Variants in KCNMA1 observed in about 807,000 individuals in gnomAD.
KCNMA1 encodes potassium calcium-activated channel subfamily M alpha 1, also known as Calcium-activated potassium channel subunit alpha-1.
A neutral mutation model predicts 140.0 loss-of-function variants in KCNMA1; 29 were observed. The observed-to-expected ratio is 0.21, with a 90% CI of 0.15 to 0.28. The LOEUF (loss-of-function observed/expected upper bound fraction) is 0.28, where lower values mean the gene tolerates loss of function less well. KCNMA1 is among the 10% of genes least tolerant of loss of function. KCNMA1 has a pLI of 1.00. For synonymous variants in KCNMA1, 612 were observed against 611.9 expected (o/e 1.00, Z 0.00); for missense variants, 880 against 1,602.2 (o/e 0.55, Z 7.70).
At chr10:77,346,225 C>A (rs2092107278) in intron 2 of KCNMA1, among the ~76,000 whole-genome samples, 2 of 152,188 alleles carry the variant, frequency 1.3e-5, no homozygotes. Context: ...AAAACCCAGT[C>A]ATGCAAAGCC....
intron 1 of KCNMA1, among the ~76,000 whole-genome samples, chr10:77,519,959 T>G (rs1370721484): frequency 2.1e-5 from 3 of 145,358 alleles, no homozygotes; most frequent in East Asian, 2.0e-4. Flanking sequence ...CAGTGTGAGG[T>G]CTGGGGTATG....
At chr10:76,998,301 C>G (rs2085052280) in intron 19 of KCNMA1, among the ~76,000 whole-genome samples, 1 of 152,106 alleles carries the variant, frequency 6.6e-6, no homozygotes, top group Non-Finnish European at 1.5e-5. Context: ...TTCAATTTAA[C>G]ATCCCTTGAA....
At chr10:76,978,717 A>T (rs2078456750) in intron 19 of KCNMA1, 1 of 152,150 alleles carries the variant, frequency 6.6e-6, no homozygotes, top group Non-Finnish European at 1.5e-5. Flanking sequence ...AGGTCCCCCG[A>T]TGTGTATCAA....
intron 3 of KCNMA1, among the ~76,000 whole-genome samples, chr10:77,241,924 C>T (rs989361052): frequency 2.6e-5 from 4 of 152,128 alleles, no homozygotes; most frequent in African/African-American, 9.7e-5. Flanking sequence ...GAAGAATTGG[C>T]TCAACAAAGC....
chr10:76,892,113 G>T (rs1472445477), intron 25 of KCNMA1, among the ~76,000 whole-genome samples: 2 of 152,138 alleles, frequency 1.3e-5, no homozygotes, highest in African/African-American at 4.8e-5. Context: ...AACCCAAGCA[G>T]CATTGTCTCT....
chr10:77,611,596 C>G (rs924074391), intron 1 of KCNMA1, among the ~76,000 whole-genome samples: 1 of 152,232 alleles, frequency 6.6e-6, no homozygotes, highest in African/African-American at 2.4e-5. Context: ...ATACCCAGCC[C>G]GGCACATAGC....
intron 5 of KCNMA1, chr10:77,140,812 C>T (rs2098148931): frequency 6.6e-6 from 1 of 152,138 alleles, no homozygotes; most frequent in Non-Finnish European, 1.5e-5. Flanking sequence ...CGATGTCCTG[C>T]GAGCTGATCA....
chr10:77,290,043 C>T (rs12412773), intron 2 of KCNMA1, among the ~76,000 whole-genome samples: 3 of 152,080 alleles, frequency 2.0e-5, no homozygotes, highest in Non-Finnish European at 2.9e-5. Context: ...TGGAAGGAGG[C>T]GGTTCGATGC....
At chr10:77,481,784 A>C (rs1040173942) in intron 1 of KCNMA1, among the ~76,000 whole-genome samples, 1 of 151,744 alleles carries the variant, frequency 6.6e-6, no homozygotes, top group African/African-American at 2.4e-5. Context: ...CAAAAAAAAA[A>C]AAAAAAAGAA....
At position 77,585,384 on chromosome 10, in the gene KCNMA1, A is replaced by C. The variant is rs149144365; in HGVS notation, c.378+51881T>G. 5.4e-3 allele frequency among the ~76,000 whole-genome samples: 819 copies of C among 152,322 alleles called. 5 individuals are homozygous for C. Among genetic ancestry groups the C allele is most frequent in the African/African-American group, 0.019 (798 of 41,560 alleles). On this transcript the variant is annotated intron_variant, in intron 1 of 27. Coordinates refer to ENST00000286628, the MANE Select transcript of KCNMA1 (RefSeq NM_001161352.2). ...ACCAGGCCGTTGTCGCAGTTGTATG[A>C]ATTAATATAATTAAAGACAACATTT...
At chr10:77,049,316 T>C (rs2095264391) in intron 14 of KCNMA1, among the ~76,000 whole-genome samples, 1 of 152,216 alleles carries the variant, frequency 6.6e-6, no homozygotes, top group Non-Finnish European at 1.5e-5. Flanking sequence ...GTGCTGTCCC[T>C]GCCTTAATGG....
At chr10:77,487,345 C>T (rs1053007807) in intron 1 of KCNMA1, among the ~76,000 whole-genome samples, 5 of 152,110 alleles carry the variant, frequency 3.3e-5, no homozygotes, top group African/African-American at 7.2e-5. Flanking sequence ...TTAGAAATCT[C>T]GCAAGTCAAC....
chr10:77,213,220 T>C (rs1026196946), intron 3 of KCNMA1, among the ~76,000 whole-genome samples: 7 of 152,182 alleles, frequency 4.6e-5, no homozygotes, highest in African/African-American at 1.4e-4. Flanking sequence ...CAAAAACGGC[T>C]CTAACCCTGG....
chr10:77,362,827 G>A (rs181251523), intron 2 of KCNMA1, among the ~76,000 whole-genome samples: 1 of 152,314 alleles, frequency 6.6e-6, no homozygotes, highest in African/African-American at 2.4e-5. Flanking sequence ...ATATCAAGAG[G>A]CAGAACATTT....
Position 76,969,911 on chromosome 10 carries a change from A to G in KCNMA1, c.2360+63T>C, listed in dbSNP as rs2288837. 0.79 allele frequency: 1,026,654 copies of G among 1,306,424 alleles called. 405,785 individuals carry two copies. The highest frequency in any genetic ancestry group is 0.98 in the East Asian group (42,322 of 43,304). The allele number at this position is 1,306,424 out of a possible 1,614,324, so 80.9% of individuals were successfully genotyped here. ...ACTCTGGGCCTGGCAGGGTGAGGAGAGGGCGAGGGGAGGAAGAGAAGGGCT... is the reference window on the plus strand; with the variant it reads ...ACTCTGGGCCTGGCAGGGTGAGGAGGGGGCGAGGGGAGGAAGAGAAGGGCT... On this transcript the variant is annotated intron_variant, in intron 20 of 27. Transcript: ENST00000286628.
intron 2 of KCNMA1, among the ~76,000 whole-genome samples, chr10:77,331,495 A>G (rs1464660050): frequency 6.6e-6 from 1 of 152,086 alleles, no homozygotes; most frequent in African/African-American, 2.4e-5. Context: ...ATATTCAAAT[A>G]CCACTTAAGT....
intron 2 of KCNMA1, among the ~76,000 whole-genome samples, chr10:77,256,425 G>A (rs1013379616): frequency 3.3e-5 from 5 of 152,140 alleles, no homozygotes; most frequent in Admixed American, 1.3e-4. Flanking sequence ...GGGGAAGTCT[G>A]GGCACCTCTT....
chr10:77,625,322 A>C (rs1457618202), intron 1 of KCNMA1, among the ~76,000 whole-genome samples: 2 of 152,046 alleles, frequency 1.3e-5, no homozygotes, highest in African/African-American at 4.8e-5. Context: ...CGGAGCTTGC[A>C]GTGAGCCGAG....
At position 77,362,787 on chromosome 10, in the gene KCNMA1, C is replaced by G. The variant is rs142755989; in HGVS notation, c.540+41075G>C. Among the ~76,000 whole-genome samples, 38 of 152,328 alleles carry G rather than the reference C, an allele frequency of 2.5e-4. No individual in the cohort carries two copies. The East Asian group carries it at 7.0e-3, about 28-fold the overall frequency. On this transcript the variant is annotated intron_variant, in intron 2 of 27. Coordinates refer to ENST00000286628, the MANE Select transcript of KCNMA1 (RefSeq NM_001161352.2). ...AGACATGTATCCATCACAAGGGCCT[C>G]TGATAAATCTCTTCACGGACCGCTT... is the stretch of plus-strand genomic sequence containing the variant.
Sources: allele counts gnomAD v4.1 joint callset (sites outside exome capture counted in the v4.1 genomes callset), GRCh38; gene constraint gnomAD v4.1.1; transcripts MANE v1.5; gene names NCBI Gene and HGNC (gene_info 2026-07-23, HGNC 2026-07-21).